The following PCDHGA6 variants were observed in gnomAD, a reference collection of about 807,000 sequenced individuals.
The protein encoded by PCDHGA6 is protocadherin gamma-A6.
In PCDHGA6, 41 loss-of-function variants were observed where a neutral mutation model predicts 60.6. The ratio of observed to expected loss-of-function variants is 0.68; its 90% CI spans 0.53 to 0.88. The LOEUF is 0.88. Ranked by LOEUF, PCDHGA6 falls within the 40% of genes least tolerant of loss-of-function variation. The pLI is 0.00. For missense variants in PCDHGA6, 1,312 were observed against 1,203.0 expected (o/e 1.09, Z -1.34); for synonymous variants, 594 against 524.4 (o/e 1.13, Z -1.81).
intron 1 of PCDHGA6, chr5:141,423,436 C>A (rs2096740667): frequency 6.2e-7 from 1 of 1,613,782 alleles, no homozygotes; most frequent in Non-Finnish European, 8.5e-7. Context: ...GGCAGGTATG[C>A]CCACGTCACA....
chr5:141,396,870 A>G (rs536206475), intron 1 of PCDHGA6, among the ~76,000 whole-genome samples: 3 of 152,328 alleles, frequency 2.0e-5, no homozygotes, highest in African/African-American at 7.2e-5. Flanking sequence ...TACCATTTGG[A>G]TGCACATTTG....
intron 2 of PCDHGA6, 114 bp from the exon 3 acceptor site, chr5:141,505,279 C>T: frequency 6.5e-7 from 1 of 1,541,274 alleles, no homozygotes; most frequent in Non-Finnish European, 8.7e-7. Context: ...AGAAACAGGT[C>T]TTGGGCATGG....
In PCDHGA6 at chr5:141,393,718, C is replaced by G. The variant is rs185464441; in HGVS notation, c.2424+17211C>G. Reference sequence around the variant, plus strand: ...CTTAATGAAAATACTGGGGAAATATCAATAGCAAAAAGTCTAGATTATGAA... The same window carrying G: ...CTTAATGAAAATACTGGGGAAATATGAATAGCAAAAAGTCTAGATTATGAA... On this transcript the variant is annotated intron_variant, in intron 1 of 3. Transcript: ENST00000517434. 1.4e-4 allele frequency: 220 copies of G among 1,613,644 alleles called. 1 individual carries two copies. Among genetic ancestry groups the G allele is most frequent in the Non-Finnish European group, 1.8e-4 (214 of 1,179,840 alleles).
chr5:141,504,765 C>T lies in PCDHGA6; in HGVS notation c.2484-628C>T, dbSNP rs548234873. ...ATTGAATTTTAGAAATTTCTTCTCC[C>T]TGCTCCAGGGTCTCTTGGGGCCTCC... On this transcript the variant is annotated intron_variant, in intron 2 of 3. Transcript: ENST00000517434. Among the ~76,000 whole-genome samples, 4 of 152,156 alleles carry T rather than the reference C, an allele frequency of 2.6e-5. No homozygotes were observed. The South Asian group carries it at 8.3e-4, about 32-fold the overall frequency.
chr5:141,465,030 C>T (rs922114985), intron 1 of PCDHGA6, among the ~76,000 whole-genome samples: 2 of 152,086 alleles, frequency 1.3e-5, no homozygotes, highest in Non-Finnish European at 1.5e-5. Context: ...CCATGAACCA[C>T]CACAAATGAC....
rs1433429634 is a variant in PCDHGA6 at position 141,486,311 on chromosome 5, G to T, written c.2425-8496G>T. 1.2e-6 allele frequency: 2 copies of T among 1,613,956 alleles called. No homozygotes were observed. Among genetic ancestry groups the T allele is most frequent in the African/African-American group, 2.7e-5 (2 of 74,892 alleles). On this transcript the variant is annotated intron_variant, in intron 1 of 3. Transcript: ENST00000517434. The surrounding 1 kb of genome is among the most constrained non-coding windows in gnomAD (Gnocchi z 5.0). The stretch of plus-strand genomic sequence containing the variant: ...TATCAGTGTGCAGGATCCAGACTCA[G>T]GGTCAAACGGAGATGTGAGCCTCCG...
chr5:141,386,098 G>A (rs1384243905), intron 1 of PCDHGA6: 3 of 152,228 alleles, frequency 2.0e-5, no homozygotes, highest in Non-Finnish European at 4.4e-5. Flanking sequence ...GATGAAGTGT[G>A]TCTGTGGGCT....
At chr5:141,387,782 A>C in intron 1 of PCDHGA6, 2 of 1,466,298 alleles carry the variant, frequency 1.4e-6, no homozygotes, top group Non-Finnish European at 1.8e-6. Context: ...TTGAACTGGA[A>C]CTGCAACTAA....
intron 1 of PCDHGA6, among the ~76,000 whole-genome samples, chr5:141,445,920 A>C (rs1343777309): frequency 6.6e-6 from 1 of 152,212 alleles, no homozygotes; most frequent in African/African-American, 2.4e-5. Context: ...GGCAGTGACA[A>C]GATATTTGAA....
chr5:141,408,185 C>G, intron 1 of PCDHGA6: 1 of 1,540,440 alleles, frequency 6.5e-7, no homozygotes, highest in Non-Finnish European at 8.8e-7. Context: ...GGGGACCCAG[C>G]GAGAACCCGA....
rs747268184 is a variant in PCDHGA6, at chr5:141,489,769, C to A, written c.2425-5038C>A. On this transcript the variant is annotated intron_variant, in intron 1 of 3. Coordinates refer to ENST00000517434, the MANE Select transcript of PCDHGA6 (RefSeq NM_018919.3). This position sits in a 1 kb window ranked among gnomAD's most constrained non-coding sequence, Gnocchi z 4.5. ...CTTTTACACTCTAAGCCCCAACAGC[C>A]ACTTCTCTCTGAATGTGAAGACCCT... The A allele has an allele frequency of 6.2e-7, 1 of 1,614,156 alleles. No individual in the cohort carries two copies. The highest frequency in any genetic ancestry group is 1.1e-5 in the South Asian group (1 of 91,080).
In PCDHGA6 at chr5:141,492,378, C is replaced by T. The variant is rs144479033; in HGVS notation, c.2425-2429C>T. Among the ~76,000 whole-genome samples the T allele has an allele frequency of 1.7e-3, 262 of 152,360 alleles. 2 individuals are homozygous for T. The highest frequency in any genetic ancestry group is 3.0e-3 in the Non-Finnish European group (207 of 68,026). On this transcript the variant is annotated intron_variant, in intron 1 of 3. Coordinates refer to ENST00000517434, the MANE Select transcript of PCDHGA6 (RefSeq NM_018919.3). ...CTCGCTCGCGGCCAGATTCACAGGCCTGTTCCGGTCCACTCGCAGCTCCCC... is the reference window on the plus strand; with the variant it reads ...CTCGCTCGCGGCCAGATTCACAGGCTTGTTCCGGTCCACTCGCAGCTCCCC...
At chr5:141,469,569 G>A (rs975304006) in intron 1 of PCDHGA6, among the ~76,000 whole-genome samples, 1 of 152,122 alleles carries the variant, frequency 6.6e-6, no homozygotes, top group Non-Finnish European at 1.5e-5. Flanking sequence ...GTGAGACTCT[G>A]TCTCTAAATA....
intron 1 of PCDHGA6, chr5:141,394,067 C>T (rs773390718): frequency 1.9e-6 from 3 of 1,613,794 alleles, no homozygotes; most frequent in Admixed American, 3.3e-5. Flanking sequence ...TCTCTATCTA[C>T]AATATCACAG....
rs573785314 is a variant in PCDHGA6 at position 141,435,382 on chromosome 5, C to T, written c.2424+58875C>T. 2.0e-5 allele frequency among the ~76,000 whole-genome samples: 3 copies of T among 152,034 alleles called. No homozygotes were observed. In the East Asian group the frequency reaches 5.8e-4, roughly 29 times the overall value. ...TTTATCACTTAAATATACAATATAC[C>T]GTATTGCCATGACGAAAAATGGTAA... On this transcript the variant is annotated intron_variant, in intron 1 of 3. Transcript: ENST00000517434.
Position 141,432,979 on chromosome 5 carries a change from TGTGGGC to T in PCDHGA6, c.2424+56477_2424+56482del. 1 of 1,614,228 alleles carries T rather than the reference TGTGGGC, an allele frequency of 6.2e-7. No individual in the cohort carries two copies. On this transcript the variant is annotated intron_variant, in intron 1 of 3. Coordinates refer to ENST00000517434, the MANE Select transcript of PCDHGA6 (RefSeq NM_018919.3). The surrounding 1 kb of genome is among the most constrained non-coding windows in gnomAD (Gnocchi z 6.0). ...TGACAGGAGCGCCGGCGTCGCACTTTGTGGGCGTGGACGGGGTGCAGGCTTTCCTGC... is the reference window on the plus strand; with the variant it reads ...TGACAGGAGCGCCGGCGTCGCACTTTGTGGACGGGGTGCAGGCTTTCCTGC...
At chr5:141,453,042 A>G (rs2098754438) in intron 1 of PCDHGA6, among the ~76,000 whole-genome samples, 1 of 152,116 alleles carries the variant, frequency 6.6e-6, no homozygotes, top group Non-Finnish European at 1.5e-5. Context: ...GTTTGTTTCT[A>G]TTATGTGCAG....
At position 141,489,664 on chromosome 5, in the gene PCDHGA6, A is replaced by G. The variant is rs745597010; in HGVS notation, c.2425-5143A>G. On this transcript the variant is annotated intron_variant, in intron 1 of 3. Transcript: ENST00000517434. The surrounding 1 kb of genome is among the most constrained non-coding windows in gnomAD (Gnocchi z 4.5). ...TGCCACCCCTGAGCGAGAGATGCGCATCTCAGAATCAGCAGCATCTGGGGC... is the reference window on the plus strand; with the variant it reads ...TGCCACCCCTGAGCGAGAGATGCGCGTCTCAGAATCAGCAGCATCTGGGGC... 1 of 1,614,106 alleles carries G rather than the reference A, an allele frequency of 6.2e-7. No homozygotes were observed. The highest frequency in any genetic ancestry group is 8.5e-7 in the Non-Finnish European group (1 of 1,180,050).
At chr5:141,460,724 A>C (rs1294708205) in intron 1 of PCDHGA6, among the ~76,000 whole-genome samples, 1 of 152,114 alleles carries the variant, frequency 6.6e-6, no homozygotes, top group African/African-American at 2.4e-5. Context: ...TGTTATAAGC[A>C]TATATACACA....
Sources: gnomAD v4.1 joint callset for allele counts (sites outside exome capture counted in the v4.1 genomes callset) on GRCh38, gnomAD v4.1.1 for gene constraint, Gnocchi (gnomAD v3.1) non-coding constraint, MANE v1.5 for transcripts, NCBI Gene and HGNC (gene_info 2026-07-23, HGNC 2026-07-21) for gene names.